The following OR2L13 variants were observed in gnomAD, a reference collection of about 807,000 sequenced individuals.
OR2L13 encodes the protein olfactory receptor 2L13.
OR2L13 carries 14 observed loss-of-function variants against 15.3 expected under a neutral mutation model. The observed-to-expected ratio is 0.91, with a 90% CI of 0.60 to 1.43. The LOEUF (loss-of-function observed/expected upper bound fraction) is 1.43, where lower values mean the gene tolerates loss of function less well. Among genes scored for constraint, OR2L13 ranks in the 40% most tolerant of loss-of-function variants. The pLI is 0.00. For synonymous variants in OR2L13, 152 were observed against 142.9 expected (o/e 1.06, Z -0.45); for missense variants, 367 against 387.9 (o/e 0.95, Z 0.45).
chr1:248,082,622 A>G, the OR2L13 span, among the ~76,000 whole-genome samples: 1 of 152,192 alleles, frequency 6.6e-6, no homozygotes, highest in African/African-American at 2.4e-5. Context: ...GGCTTTGATA[A>G]CCACAGCTTT....
the OR2L13 span, among the ~76,000 whole-genome samples, chr1:247,979,381 A>G: frequency 6.6e-6 from 1 of 151,984 alleles, no homozygotes; most frequent in African/African-American, 2.4e-5. Context: ...CTCATTGTTC[A>G]ACTCCCAGTT....
At chr1:247,944,557 T>C in the OR2L13 span, among the ~76,000 whole-genome samples, 2 of 152,140 alleles carry the variant, frequency 1.3e-5, no homozygotes, top group Non-Finnish European at 2.9e-5. Context: ...GAACATGCAG[T>C]GTTTGCTTTT....
chr1:247,944,554 C>T, the OR2L13 span, among the ~76,000 whole-genome samples: 1 of 152,126 alleles, frequency 6.6e-6, no homozygotes, highest in African/African-American at 2.4e-5. Flanking sequence ...TGAGAACATG[C>T]AGTGTTTGCT....
chr1:248,081,411 A>C, the OR2L13 span, among the ~76,000 whole-genome samples: 1 of 152,102 alleles, frequency 6.6e-6, no homozygotes. Flanking sequence ...TCGTTGCTGT[A>C]GCTTTCGCCT....
the OR2L13 span, chr1:247,975,061 A>C: frequency 1.2e-5 from 4 of 321,080 alleles, no homozygotes; most frequent in African/African-American, 2.2e-5. Flanking sequence ...TGACTTTAGC[A>C]GGTGCAGAAA....
chr1:248,083,759 G>A, the OR2L13 span: 1 of 1,614,012 alleles, frequency 6.2e-7, no homozygotes, highest in East Asian at 2.2e-5. Context: ...GTAAAGGGGT[G>A]AACATACTAT....
chr1:248,030,637 T>C, the OR2L13 span, among the ~76,000 whole-genome samples: 2 of 152,206 alleles, frequency 1.3e-5, no homozygotes, highest in African/African-American at 2.4e-5. Flanking sequence ...CCATGAGTGA[T>C]GTGCGATTGT....
At chr1:248,028,405 T>C in the OR2L13 span, among the ~76,000 whole-genome samples, 26,627 of 152,084 alleles carry the variant, frequency 0.18, 2,572 homozygotes, top group East Asian at 0.32. Flanking sequence ...TAACAAAAGA[T>C]TTGACATAAA....
At chr1:248,003,847 C>T in the OR2L13 span, 1 of 1,613,214 alleles carries the variant, frequency 6.2e-7, no homozygotes, top group Non-Finnish European at 8.5e-7. Context: ...CCTACCTGAC[C>T]TGCAGCACCC....
the OR2L13 span, among the ~76,000 whole-genome samples, chr1:248,077,298 A>G: frequency 1.3e-5 from 2 of 152,146 alleles, no homozygotes; most frequent in Non-Finnish European, 2.9e-5. Flanking sequence ...TTGGTCTAAA[A>G]TTCTCTTTTT....
chr1:247,965,908 T>C, the OR2L13 span: 1 of 1,612,696 alleles, frequency 6.2e-7, no homozygotes, highest in Non-Finnish European at 8.5e-7. Flanking sequence ...TAACCACTTT[T>C]TCTGTGAAGT....
At chr1:247,965,077 G>A in the OR2L13 span, among the ~76,000 whole-genome samples, 1 of 150,656 alleles carries the variant, frequency 6.6e-6, no homozygotes, top group Non-Finnish European at 1.5e-5. Context: ...ATATGTATAT[G>A]TACATATACT....
At chr1:248,070,951 T>C in the OR2L13 span, among the ~76,000 whole-genome samples, 4 of 152,084 alleles carry the variant, frequency 2.6e-5, no homozygotes, top group Admixed American at 1.3e-4. Context: ...CTGAATAGAC[T>C]GATAACAGGC....
the OR2L13 span, chr1:248,023,540 G>A: frequency 6.6e-6 from 1 of 152,146 alleles, no homozygotes; most frequent in African/African-American, 2.4e-5. Context: ...CACACACAAT[G>A]TTTGTCTCCT....
the OR2L13 span, among the ~76,000 whole-genome samples, chr1:248,056,412 T>C: frequency 6.6e-6 from 1 of 152,156 alleles, no homozygotes; most frequent in Non-Finnish European, 1.5e-5. Context: ...GTTTGTTTGC[T>C]CTTGGCTCTC....
chr1:247,973,551 C>T, the OR2L13 span, among the ~76,000 whole-genome samples: 1 of 151,958 alleles, frequency 6.6e-6, no homozygotes, highest in African/African-American at 2.4e-5. Flanking sequence ...AAATAAAATA[C>T]CTAGGAATAC....
the OR2L13 span, among the ~76,000 whole-genome samples, chr1:247,994,279 C>A: frequency 6.6e-6 from 1 of 152,104 alleles, no homozygotes; most frequent in African/African-American, 2.4e-5. Flanking sequence ...CGCCTGTAGT[C>A]CCGGCTGCTT....
the OR2L13 span, among the ~76,000 whole-genome samples, chr1:248,072,066 A>G: frequency 6.6e-6 from 1 of 151,572 alleles, no homozygotes; most frequent in African/African-American, 2.4e-5. Context: ...GGTAATTTAC[A>G]GATTCAATGC....
chr1:247,950,763 G>A, the OR2L13 span, among the ~76,000 whole-genome samples: 120,688 of 151,788 alleles, frequency 0.8, 52,345 homozygotes, highest in South Asian at 0.95. Context: ...AAGGGTATAG[G>A]GGAGGGGGGA....
Sources: allele counts gnomAD v4.1 joint callset (sites outside exome capture counted in the v4.1 genomes callset), GRCh38; gene constraint gnomAD v4.1.1; transcripts MANE v1.5; gene names NCBI Gene and HGNC (gene_info 2026-07-23, HGNC 2026-07-21).